The following RTN2 variants were observed in gnomAD, a reference collection of about 807,000 sequenced individuals.
RTN2 encodes the protein reticulon 2, also known as reticulon-2.
A neutral mutation model predicts 63.7 loss-of-function variants in RTN2; 36 were observed. That is an observed-to-expected ratio of 0.56 (90% confidence interval 0.43 to 0.75). The LOEUF is 0.75. Among genes scored for constraint, RTN2 ranks in the 30% least tolerant of loss-of-function variants. RTN2 has a pLI of 0.00. For missense variants in RTN2, 673 were observed against 705.1 expected (o/e 0.95, Z 0.52); for synonymous variants, 312 against 313.0 (o/e 1.00, Z 0.03).
chr19:45,488,862 C>A lies in RTN2; in HGVS notation c.1366G>T (p.Val456Leu). The A allele has an allele frequency of 6.2e-7, 1 of 1,602,538 alleles. No individual in the cohort carries two copies. ...LRHFFLVEDL[V>L]DSLKLALLFY... ...CTCCAGGCCACCTTGAGGGAATCCA[C>A]GAGGTCTTCTACCAGGAAGAAGTGC... is the stretch of plus-strand genomic sequence containing the variant. The change falls in exon 7 of 11, where the codon GTG becomes TTG. Residue 456 changes from valine to leucine, a missense_variant. Coordinates refer to ENST00000245923, the MANE Select transcript of RTN2 (RefSeq NM_005619.5).
At chr19:45,496,708 G>A (rs1968279075) in intron 1 of RTN2, 84 bp downstream of exon 1, 1 of 945,166 alleles carries the variant, frequency 1.1e-6, no homozygotes, top group Admixed American at 3.9e-5. Context: ...CGGCTCTCCT[G>A]CGGGCAAGCG....
chr19:45,490,535 C>CTG (rs56279132), intron 5 of RTN2, among the ~76,000 whole-genome samples: 44,210 of 145,476 alleles, frequency 0.3, 6,594 homozygotes, highest in Middle Eastern at 0.41. Flanking sequence ...GGTTGTGTGT[C>CTG]TGTGTGTGTG....
intron 9 of RTN2, among the ~76,000 whole-genome samples, chr19:45,487,678 T>C (rs1358621934): frequency 1.4e-5 from 2 of 138,058 alleles, no homozygotes; most frequent in Non-Finnish European, 3.0e-5. Flanking sequence ...AAATCAAGAG[T>C]GAAGGCCAAT....
In RTN2 at chr19:45,489,419, C is replaced by T. The variant is rs143937661; in HGVS notation, c.1168G>A (p.Gly390Ser). 2.8e-3 allele frequency: 4,423 copies of T among 1,606,818 alleles called. 14 individuals are homozygous for T. Among genetic ancestry groups the T allele is most frequent in the South Asian group, 7.1e-3 (639 of 89,470 alleles). ...CGGTAAACCCTGAGAGAGATGGTGC[C>T]GCAGAGCAGCAACAGAGCCAAGTGC... ...AAHLALLLLC[G>S]TISLRVYRKV... is the part of the protein sequence containing the mutation. The change falls in exon 6 of 11, where the codon GGC (glycine) becomes AGC (serine). Residue 390 changes from glycine to serine, a missense_variant. Transcript: ENST00000245923.
chr19:45,486,199 C>A, intron 9 of RTN2, 86 bp from the exon 10 acceptor site: 1 of 1,210,368 alleles, frequency 8.3e-7, no homozygotes, highest in East Asian at 2.4e-5. Flanking sequence ...TCCCCAACCT[C>A]CAAATTAGGA....
Position 45,494,434 on chromosome 19 carries a change from G to A in RTN2, c.560-14C>T. The A allele has an allele frequency of 6.2e-7, 1 of 1,607,524 alleles. No individual in the cohort carries two copies. The highest frequency in any genetic ancestry group is 8.5e-7 in the Non-Finnish European group (1 of 1,175,172). ...GTAGGTCCAGTTCTGATACGGTAGA[G>A]AGAGGAGGCCGTGAGCTTTCTTCTT... On this transcript the variant is annotated splice_polypyrimidine_tract_variant and intron_variant, in intron 3 of 10. Coordinates refer to ENST00000245923, the MANE Select transcript of RTN2 (RefSeq NM_005619.5). The surrounding 1 kb of genome is among the most constrained non-coding windows in gnomAD (Gnocchi z 5.3).
rs1357825111 is a variant in RTN2 at position 45,494,309 on chromosome 19, G to T, written c.671C>A (p.Ser224Ter). Reference protein sequence around the residue: ...PQAGTPSPSRSRDSNSGPEEP... With the variant: ...PQAGTPSPSR ...TTCGGGCCCAGAGTTCGAATCTCGC[G>T]ATCGGGATGGGGACGGAGTACCGGC... The change falls in exon 4 of 11, where the codon TCG becomes TAG. Residue 224 changes from serine to a stop codon, truncating the protein, a stop_gained. Coordinates refer to ENST00000245923, the MANE Select transcript of RTN2 (RefSeq NM_005619.5). LOFTEE classifies it high-confidence loss of function. The surrounding 1 kb of genome is among the most constrained non-coding windows in gnomAD (Gnocchi z 5.3). The T allele has an allele frequency of 1.2e-6, 2 of 1,614,088 alleles. No individual in the cohort carries two copies. Among genetic ancestry groups the T allele is most frequent in the Non-Finnish European group, 1.7e-6 (2 of 1,180,034 alleles).
chr19:45,493,171 A>AT lies in RTN2; in HGVS notation c.1021dup (p.Met341AsnfsTer4). On this transcript the variant is annotated frameshift_variant, in exon 5 of 11. Transcript: ENST00000245923. LOFTEE classifies it high-confidence loss of function. The stretch of plus-strand genomic sequence containing the variant: ...TTCCGCAAGCCCACCTTTACTCCCC[A>AT]TATCGGCTCCGAGTGAGAGGCTGGG... 1 of 1,611,654 alleles carries AT rather than the reference A, an allele frequency of 6.2e-7. No individual in the cohort carries two copies. The highest frequency in any genetic ancestry group is 8.5e-7 in the Non-Finnish European group (1 of 1,179,732).
intron 5 of RTN2, 82 bp downstream of exon 5, chr19:45,493,078 T>G (rs966066274): frequency 3.1e-6 from 4 of 1,308,322 alleles, no homozygotes; most frequent in Non-Finnish European, 4.4e-6. Flanking sequence ...ATAAAAATGC[T>G]CCGGATGTGC....
At position 45,494,906 on chromosome 19, in the gene RTN2, CG is replaced by C. The variant is rs763387041; in HGVS notation, c.178del (p.Arg60GlyfsTer3). ...GGCGATGTAGGAGAAGGTCAGCTCCCGGGGGGTGCCCCAGTCCTGCGACGTG... is the reference window on the plus strand; with the variant it reads ...GGCGATGTAGGAGAAGGTCAGCTCCCGGGGGTGCCCCAGTCCTGCGACGTG... ...ETTSQDWGTP[R>X]ELTFSYIAFD... On this transcript the variant is annotated frameshift_variant, in exon 3 of 11. Coordinates refer to ENST00000245923, the MANE Select transcript of RTN2 (RefSeq NM_005619.5). LOFTEE classifies it high-confidence loss of function. This position sits in a 1 kb window ranked among gnomAD's most constrained non-coding sequence, Gnocchi z 5.3. 2 of 1,612,642 alleles carry C rather than the reference CG, an allele frequency of 1.2e-6. No individual in the cohort carries two copies. The highest frequency in any genetic ancestry group is 8.5e-7 in the Non-Finnish European group (1 of 1,180,004).
chr19:45,493,551 C>T (rs938864422), intron 4 of RTN2, among the ~76,000 whole-genome samples, 173 bp from the exon 5 acceptor site: 1 of 152,144 alleles, frequency 6.6e-6, no homozygotes, highest in Non-Finnish European at 1.5e-5. Flanking sequence ...GCCTCGGCCT[C>T]CCAAAGTGTT....
chr19:45,486,428 G>A (rs763492177), intron 9 of RTN2, among the ~76,000 whole-genome samples: 3 of 152,198 alleles, frequency 2.0e-5, no homozygotes, highest in Non-Finnish European at 4.4e-5. Flanking sequence ...GGGGTAGGGT[G>A]AGAACAGAAG....
chr19:45,495,012 T>C lies in RTN2; in HGVS notation c.80-7A>G. On this transcript the variant is annotated splice_region_variant and splice_polypyrimidine_tract_variant and intron_variant, in intron 2 of 10. Transcript: ENST00000245923. ...TCAGAGTCGTCGTTCCCTCCTGCAG[T>C]GGGTGAAGGAGAGCCTTGTTTCCCT... 1 of 1,613,702 alleles carries C rather than the reference T, an allele frequency of 6.2e-7. No homozygotes were observed. Among genetic ancestry groups the C allele is most frequent in the Admixed American group, 1.7e-5 (1 of 59,964 alleles).
chr19:45,489,459 G>A lies in RTN2; in HGVS notation c.1128C>T (p.Ile376=), dbSNP rs1288742843. 2 of 1,612,772 alleles carry A rather than the reference G, an allele frequency of 1.2e-6. No individual in the cohort carries two copies. The highest frequency in any genetic ancestry group is 1.1e-5 in the South Asian group (1 of 90,726). ...VSLLCLLHFS[I]VSVAAHLALL... ...GAGCCAAGTGCGCGGCCACGGACAC[G>A]ATGCTAAAGTGCAGGAGGCAGAGGA... Residue 376 remains isoleucine, a synonymous_variant, in exon 6 of 11, where the codon ATC becomes ATT. Coordinates refer to ENST00000245923, the MANE Select transcript of RTN2 (RefSeq NM_005619.5).
At chr19:45,487,474 G>A (rs780262719) in intron 9 of RTN2, among the ~76,000 whole-genome samples, 124 of 152,098 alleles carry the variant, frequency 8.2e-4, no homozygotes, top group Non-Finnish European at 1.2e-3. Context: ...CAGTCCATCC[G>A]CCTGTCTCTG....
rs143302045 is a variant in RTN2, at chr19:45,494,852, C to T, written c.233G>A (p.Arg78His). ...GGGGCGGCGGGCAGTTGAATCCCTG[C>T]GGCCCCCGGAGCCCACTACACCATC... ...AFDGVVGSGG[R>H]RDSTARRPRP... Residue 78 changes from arginine (R) to histidine (H), a missense_variant, in exon 3 of 11, where the codon CGC (arginine) becomes CAC (histidine). Arg to His is a conservative substitution (Grantham distance 29, BLOSUM62 0). Transcript: ENST00000245923. This position sits in a 1 kb window ranked among gnomAD's most constrained non-coding sequence, Gnocchi z 5.3. 4 of 1,604,726 alleles carry T rather than the reference C, an allele frequency of 2.5e-6. No individual in the cohort carries two copies. Among genetic ancestry groups the T allele is most frequent in the Non-Finnish European group, 1.7e-6 (2 of 1,179,826 alleles).
At chr19:45,495,335 A>C (rs1442111694) in intron 1 of RTN2, 196 bp from the exon 2 acceptor site, 7 of 633,820 alleles carry the variant, frequency 1.1e-5, no homozygotes, top group South Asian at 2.0e-5. Flanking sequence ...TTAATCTTAG[A>C]GTCTTCAAAG....
chr19:45,495,138 T>C lies in RTN2; in HGVS notation c.36A>G (p.Lys12=). The change falls in exon 2 of 11, where the codon AAA becomes AAG. Residue 12 remains lysine, a splice_region_variant and synonymous_variant. Coordinates refer to ENST00000245923, the MANE Select transcript of RTN2 (RefSeq NM_005619.5). ...GQVLPVFAHC[K]EAPSTASSTP... ...TTGAGGAGGCTGTAGACGGAGCTTCTTCTGCGAGAGGGAAAGAATCGAAGA... is the reference window on the plus strand; with the variant it reads ...TTGAGGAGGCTGTAGACGGAGCTTCCTCTGCGAGAGGGAAAGAATCGAAGA... The C allele has an allele frequency of 6.2e-7, 1 of 1,614,108 alleles. No homozygotes were observed. Among genetic ancestry groups the C allele is most frequent in the African/African-American group, 1.3e-5 (1 of 75,052 alleles).
intron 5 of RTN2, among the ~76,000 whole-genome samples, chr19:45,492,835 G>T (rs944514208): frequency 6.6e-6 from 1 of 152,178 alleles, no homozygotes; most frequent in African/African-American, 2.4e-5. Context: ...TGAGGCGGGG[G>T]CTAAGTTTAG....
Sources: gnomAD v4.1 joint callset for allele counts (sites outside exome capture counted in the v4.1 genomes callset) on GRCh38, gnomAD v4.1.1 for gene constraint, Gnocchi (gnomAD v3.1) non-coding constraint, MANE v1.5 for transcripts, NCBI Gene and HGNC (gene_info 2026-07-23, HGNC 2026-07-21) for gene names.